DLG4: variants seen among roughly 807,000 people sequenced by gnomAD.
DLG4 encodes discs large MAGUK scaffold protein 4, also known as disks large homolog 4.
DLG4 carries 7 observed loss-of-function variants against 93.8 expected under a neutral mutation model. That is an observed-to-expected ratio of 0.07 (90% CI 0.04 to 0.14). DLG4 has a LOEUF of 0.14. Among genes scored for constraint, DLG4 ranks in the 10% least tolerant of loss-of-function variants. The probability of loss-of-function intolerance (pLI) is 1.00; values close to 1 mark genes in which losing one functional copy is unlikely to be tolerated. For synonymous variants in DLG4, 341 were observed against 387.6 expected, an observed-to-expected ratio of 0.88 and a Z score of 1.41; for missense variants, 545 against 992.9, an observed-to-expected ratio of 0.55 and a Z score of 6.06.
chr17:7,219,024 C>A, upstream of DLG4: 1 of 677,764 alleles, frequency 1.5e-6, no homozygotes, highest in Admixed American at 2.4e-5. Context: ...ACACCCTGGC[C>A]CCCTCTTCCC....
Position 7,193,879 on chromosome 17 carries a change from G to GAAAA in DLG4, c.1516-12_1516-9dup. 6.2e-7 allele frequency: 1 copy of GAAAA among 1,612,376 alleles called. No homozygotes were observed. The highest frequency in any genetic ancestry group is 8.5e-7 in the Non-Finnish European group (1 of 1,179,238). On this transcript the variant is annotated splice_polypyrimidine_tract_variant and intron_variant, in intron 13 of 19. Coordinates refer to ENST00000399506, the MANE Select transcript of DLG4 (RefSeq NM_001321075.3). The surrounding 1 kb of genome is among the most constrained non-coding windows in gnomAD (Gnocchi z 6.7). The stretch of plus-strand genomic sequence containing the variant: ...AGAGCTGGAGCCCCAGTCCTAAGAA[G>GAAAA]AAAAAGCAGGCCACGGGGTTAGTTA...
At chr17:7,219,472 A>G, upstream of DLG4, 1 of 1,036,592 alleles carries the variant, frequency 9.6e-7, no homozygotes, top group African/African-American at 1.7e-5. Flanking sequence ...CACTTAGGGT[A>G]CTCACACCCT....
At chr17:7,207,935 A>T in intron 2 of DLG4, 4 of 477,964 alleles carry the variant, frequency 8.4e-6, no homozygotes, top group Non-Finnish European at 1.2e-5. Context: ...AGACCCCAGG[A>T]GCCCAAGCCC....
Position 7,196,318 on chromosome 17 carries a change from C to T in DLG4, c.1203G>A (p.Glu401=), listed in dbSNP as rs1223974399. Residue 401 remains glutamate, a synonymous_variant, in exon 11 of 20, where the codon GAG becomes GAA. Coordinates refer to ENST00000399506, the MANE Select transcript of DLG4 (RefSeq NM_001321075.3). This position sits in a 1 kb window ranked among gnomAD's most constrained non-coding sequence, Gnocchi z 8.3. The part of the protein sequence containing the change: ...QYKPEEYSRF[E]AKIHDLREQL... ...GTTCCCGAAGGTCGTGGATCTTGGC[C>T]TCGAATCGGCTGTACTCTGAGGAAG... The T allele has an allele frequency of 3.1e-6, 5 of 1,613,864 alleles. No individual in the cohort carries two copies. Among genetic ancestry groups the T allele is most frequent in the Non-Finnish European group, 3.4e-6 (4 of 1,179,886 alleles).
chr17:7,203,936 C>G lies in DLG4; in HGVS notation c.210+72G>C. ...AAGGCACAGGGTGAGGGGCTAGCCA[C>G]CCAGACCACATGGCAGAAAGAAAGG... On this transcript the variant is annotated intron_variant, in intron 4 of 19. Transcript: ENST00000399506. This position sits in a 1 kb window ranked among gnomAD's most constrained non-coding sequence, Gnocchi z 7.2. 1 of 1,589,596 alleles carries G rather than the reference C, an allele frequency of 6.3e-7. No homozygotes were observed.
Position 7,196,917 on chromosome 17 carries a change from G to A in DLG4, c.923C>T (p.Pro308Leu). 2 of 1,613,836 alleles carry A rather than the reference G, an allele frequency of 1.2e-6. No homozygotes were observed. Among genetic ancestry groups the A allele is most frequent in the African/African-American group, 1.3e-5 (1 of 75,020 alleles). ...AKDLLGEEDI[P>L]REPRRIVIHR... ...GATCACAATTCGCCTCGGTTCTCGG[G>A]GAATGTCTTCCTCCCCGAGCAGGTC... The change falls in exon 9 of 20, where the codon CCC becomes CTC. Residue 308 changes from proline to leucine, a missense_variant. Around this residue, in one of 5 missense-constraint regions of DLG4, gnomAD observed 428 missense variants for 741.4 expected, o/e 0.58. Coordinates refer to ENST00000399506, the MANE Select transcript of DLG4 (RefSeq NM_001321075.3). This position sits in a 1 kb window ranked among gnomAD's most constrained non-coding sequence, Gnocchi z 8.3.
rs2070303879 is a variant in DLG4 at position 7,203,891 on chromosome 17, C to G, written c.211-75G>C. 2 of 1,595,156 alleles carry G rather than the reference C, an allele frequency of 1.3e-6. No individual in the cohort carries two copies. The highest frequency in any genetic ancestry group is 3.5e-5 in the Admixed American group (2 of 56,564). ...GCAAGGCAAGTGGGGTGGGAAATGG[C>G]TTGGAGCAGCCAGAGGAGGAAGGCA... On this transcript the variant is annotated intron_variant, in intron 4 of 19. Transcript: ENST00000399506. This position sits in a 1 kb window ranked among gnomAD's most constrained non-coding sequence, Gnocchi z 7.2.
chr17:7,199,234 T>C (rs563110393), intron 8 of DLG4, among the ~76,000 whole-genome samples: 1 of 151,904 alleles, frequency 6.6e-6, no homozygotes, highest in African/African-American at 2.4e-5. Flanking sequence ...AGTTTCACTC[T>C]TGTCGCCCAG....
In DLG4 at chr17:7,191,222, G is replaced by A; in HGVS notation, c.2068+45C>T. The A allele has an allele frequency of 6.3e-7, 1 of 1,593,400 alleles. No individual in the cohort carries two copies. The highest frequency in any genetic ancestry group is 8.6e-7 in the Non-Finnish European group (1 of 1,162,170). ...GGCGGGGGAGCTCTTTCTAATCCGAGCAAGGGCACCCTACATGCTGGCAAC... is the reference window on the plus strand; with the variant it reads ...GGCGGGGGAGCTCTTTCTAATCCGAACAAGGGCACCCTACATGCTGGCAAC... On this transcript the variant is annotated intron_variant, in intron 19 of 19. Transcript: ENST00000399506. This position sits in a 1 kb window ranked among gnomAD's most constrained non-coding sequence, Gnocchi z 6.6.
Position 7,217,277 on chromosome 17 carries a change from A to C in DLG4, c.-130T>G. The C allele has an allele frequency of 1.2e-6, 1 of 828,852 alleles. No individual in the cohort carries two copies. Among genetic ancestry groups the C allele is most frequent in the Admixed American group, 7.9e-5 (1 of 12,682 alleles). The allele number at this position is 828,852 out of a possible 1,614,324, so 51.3% of individuals were successfully genotyped here. On this transcript the variant is annotated 5_prime_UTR_variant, in exon 1 of 20. Coordinates refer to ENST00000399506, the MANE Select transcript of DLG4 (RefSeq NM_001321075.3). ...TTGCAGGGGGGGCCAGGATGGGGGGAGGGGTGAGAGGGGAAGGAGGGGGTT... is the reference window on the plus strand; with the variant it reads ...TTGCAGGGGGGGCCAGGATGGGGGGCGGGGTGAGAGGGGAAGGAGGGGGTT...
intron 1 of DLG4, among the ~76,000 whole-genome samples, chr17:7,213,095 C>CTTTT (rs746009346): frequency 8.7e-5 from 7 of 80,852 alleles, no homozygotes; most frequent in Admixed American, 4.3e-4. Flanking sequence ...TTCTTTCTTT[C>CTTTT]TTTTTTTTTT....
rs1466172904 is a variant in DLG4, at chr17:7,189,267, G to A, written c.*1441C>T. ...AGCACTTTGGGAGGCTGAGGCGGGT[G>A]GATAACAAGGTCAGGAGTTCAAGAC... On this transcript the variant is annotated 3_prime_UTR_variant, in exon 20 of 20. Transcript: ENST00000399506. Among the ~76,000 whole-genome samples, 3 of 151,160 alleles carry A rather than the reference G, an allele frequency of 2.0e-5. No homozygotes were observed. The highest frequency in any genetic ancestry group is 2.9e-5 in the Non-Finnish European group (2 of 67,834).
intron 1 of DLG4, chr17:7,211,572 G>C (rs955370454): frequency 1.2e-5 from 6 of 481,180 alleles, no homozygotes; most frequent in Non-Finnish European, 1.6e-5. Context: ...GCAGAAGGAA[G>C]AGCGACAGCG....
chr17:7,219,827 AG>A, upstream of DLG4: 1 of 1,533,932 alleles, frequency 6.5e-7, no homozygotes, highest in Non-Finnish European at 8.8e-7. Flanking sequence ...GCCGGGCTCC[AG>A]GGAACTACAG....
chr17:7,218,956 C>G, upstream of DLG4: 1 of 1,209,518 alleles, frequency 8.3e-7, no homozygotes, highest in Admixed American at 1.8e-5. Flanking sequence ...TCTGAGCCGA[C>G]CAGCTGTCCC....
Position 7,191,799 on chromosome 17 carries a change from G to C in DLG4, c.1976+94C>G. On this transcript the variant is annotated intron_variant, in intron 18 of 19. Transcript: ENST00000399506. The surrounding 1 kb of genome is among the most constrained non-coding windows in gnomAD (Gnocchi z 6.6). ...AGGGGCTGCTGAAACCGCTGTCCAGGGTTCTGAAGGGAGAGTTGAACGCAG... is the reference window on the plus strand; with the variant it reads ...AGGGGCTGCTGAAACCGCTGTCCAGCGTTCTGAAGGGAGAGTTGAACGCAG... The C allele has an allele frequency of 1.1e-6, 1 of 900,178 alleles. No homozygotes were observed. Among genetic ancestry groups the C allele is most frequent in the East Asian group, 2.6e-5 (1 of 38,650 alleles). The allele number at this position is 900,178 out of a possible 1,614,324, so 55.8% of individuals were successfully genotyped here. A position where few individuals can be genotyped will look rare whatever the true frequency, so the allele number is the denominator to read the frequency against.
rs767384318 is a variant in DLG4 at position 7,192,962 on chromosome 17, G to A, written c.1849C>T (p.Arg617Ter). The A allele has an allele frequency of 6.2e-7, 1 of 1,613,216 alleles. No homozygotes were observed. Among genetic ancestry groups the A allele is most frequent in the Non-Finnish European group, 8.5e-7 (1 of 1,179,492 alleles). The change falls in exon 17 of 20, where the codon CGA becomes TGA. Residue 617 changes from arginine to a stop codon, truncating the protein, a stop_gained. Transcript: ENST00000399506. LOFTEE classifies it high-confidence loss of function. ...HLYGTSVQSV[R>*]EVAEQGKHCI... Reference sequence around the variant, plus strand: ...GGTCCTACCTGCTCTGCCACCTCTCGCACGGACTGGACGCTGGTCCCATAG... The same window carrying A: ...GGTCCTACCTGCTCTGCCACCTCTCACACGGACTGGACGCTGGTCCCATAG...
chr17:7,205,974 C>T (rs1260661922), intron 2 of DLG4, among the ~76,000 whole-genome samples: 1 of 151,814 alleles, frequency 6.6e-6, no homozygotes, highest in Admixed American at 6.6e-5. Context: ...CATCTCCATC[C>T]CTGTCTCGCC....
chr17:7,196,198 T>C lies in DLG4; in HGVS notation c.1301+22A>G, dbSNP rs200323688. 415 of 1,579,682 alleles carry C rather than the reference T, an allele frequency of 2.6e-4. 1 individual carries two copies. The African/African-American group carries it at 5.1e-3, about 19-fold the overall frequency. Reference sequence around the variant, plus strand: ...CCAGGAACGCAGAGGGGCTGAGGAGTCCAGCCCGGGAAGCCTCTGACCTGA... The same window carrying C: ...CCAGGAACGCAGAGGGGCTGAGGAGCCCAGCCCGGGAAGCCTCTGACCTGA... On this transcript the variant is annotated intron_variant, in intron 11 of 19. Coordinates refer to ENST00000399506, the MANE Select transcript of DLG4 (RefSeq NM_001321075.3). The surrounding 1 kb of genome is among the most constrained non-coding windows in gnomAD (Gnocchi z 8.3).
Sources: allele counts gnomAD v4.1 joint callset (sites outside exome capture counted in the v4.1 genomes callset), GRCh38; gene constraint gnomAD v4.1.1; regional missense constraint gnomAD v4.1.1; non-coding constraint Gnocchi (gnomAD v3.1); transcripts MANE v1.5; gene names NCBI Gene and HGNC (gene_info 2026-07-23, HGNC 2026-07-21).